Variants in ARHGEF7 observed in about 807,000 individuals in gnomAD.
The protein encoded by ARHGEF7 is Rho guanine nucleotide exchange factor 7.
A neutral mutation model predicts 109.8 loss-of-function variants in ARHGEF7; 33 were observed. That is an observed-to-expected ratio of 0.30 (90% confidence interval 0.23 to 0.40). The LOEUF (loss-of-function observed/expected upper bound fraction) is 0.40. Among genes scored for constraint, ARHGEF7 ranks in the 10% least tolerant of loss-of-function variants. The probability of loss-of-function intolerance (pLI) is 1.00; values close to 1 mark genes in which losing one functional copy is unlikely to be tolerated. For synonymous variants in ARHGEF7, 458 were observed against 424.6 expected, an observed-to-expected ratio of 1.08 and a Z score of -0.97; for missense variants, 938 against 1,098.5, an observed-to-expected ratio of 0.85 and a Z score of 2.07.
intron 19 of ARHGEF7, chr13:111,294,067 C>A: frequency 1.0e-6 from 1 of 985,304 alleles, no homozygotes; most frequent in Non-Finnish European, 1.2e-6. Context: ...ATTTTCATAC[C>A]AATTAGTAAA....
At chr13:111,226,714 T>A (rs2085259958) in intron 5 of ARHGEF7, among the ~76,000 whole-genome samples, 1 of 152,222 alleles carries the variant, frequency 6.6e-6, no homozygotes, top group South Asian at 2.1e-4. Context: ...TAACACAGCA[T>A]CCATACTGCA....
In ARHGEF7 at chr13:111,255,417, C is replaced by T. The variant is rs1354594204; in HGVS notation, c.950+11123C>T. ...TCATGTTGCTTGCCCATGTCTGTCCCAGTGTCCTCATCTATAAAGCAGGGG... is the reference window on the plus strand; with the variant it reads ...TCATGTTGCTTGCCCATGTCTGTCCTAGTGTCCTCATCTATAAAGCAGGGG... On this transcript the variant is annotated intron_variant, in intron 8 of 21. Transcript: ENST00000646102. This position sits in a 1 kb window ranked among gnomAD's most constrained non-coding sequence, Gnocchi z 4.1. Among the ~76,000 whole-genome samples the T allele has an allele frequency of 6.6e-6, 1 of 152,180 alleles. No homozygotes were observed. Among genetic ancestry groups the T allele is most frequent in the Non-Finnish European group, 1.5e-5 (1 of 68,022 alleles).
At chr13:111,204,912 G>C (rs1185100606) in intron 2 of ARHGEF7, among the ~76,000 whole-genome samples, 1 of 152,230 alleles carries the variant, frequency 6.6e-6, no homozygotes, top group Non-Finnish European at 1.5e-5. Flanking sequence ...TCTGTAGCAC[G>C]CCTTGCCTGG....
intron 8 of ARHGEF7, among the ~76,000 whole-genome samples, chr13:111,254,600 G>C (rs562815797): frequency 4.3e-4 from 64 of 149,734 alleles, no homozygotes; most frequent in African/African-American, 1.4e-3. Flanking sequence ...AAGAGGATTC[G>C]GGCTAAGGCG....
In ARHGEF7 at chr13:111,277,572, CT is replaced by C; in HGVS notation, c.1420-8del. On this transcript the variant is annotated splice_polypyrimidine_tract_variant and intron_variant, in intron 12 of 21. Transcript: ENST00000646102. ...GTTTTTTAAGAAATGTTTTGGATTTCTTTTTTTGTATTAGGAAAAGAATGAA... is the reference window on the plus strand; with the variant it reads ...GTTTTTTAAGAAATGTTTTGGATTTCTTTTTTGTATTAGGAAAAGAATGAA... 7 of 1,535,326 alleles carry C rather than the reference CT, an allele frequency of 4.6e-6. No homozygotes were observed. Among genetic ancestry groups the C allele is most frequent in the South Asian group, 1.1e-5 (1 of 87,910 alleles).
intron 2 of ARHGEF7, among the ~76,000 whole-genome samples, chr13:111,156,503 A>G (rs1034524979): frequency 6.6e-6 from 1 of 152,252 alleles, no homozygotes; most frequent in African/African-American, 2.4e-5. Flanking sequence ...AAAACAGCAC[A>G]TGAAAAACCT....
In ARHGEF7 at chr13:111,243,866, T is replaced by C; in HGVS notation, c.760-6T>C. On this transcript the variant is annotated splice_polypyrimidine_tract_variant and splice_region_variant and intron_variant, in intron 6 of 21. Coordinates refer to ENST00000646102, the MANE Select transcript of ARHGEF7 (RefSeq NM_001354046.2). ...TCAAATAACACTTATTCATCATTTA[T>C]TATAGGTGCTACAGAATATTTTAGA... 1 of 1,559,302 alleles carries C rather than the reference T, an allele frequency of 6.4e-7. No individual in the cohort carries two copies. The highest frequency in any genetic ancestry group is 8.8e-7 in the Non-Finnish European group (1 of 1,135,588).
At chr13:111,263,454 A>T (rs2091310081) in intron 8 of ARHGEF7, among the ~76,000 whole-genome samples, 1 of 152,210 alleles carries the variant, frequency 6.6e-6, no homozygotes, top group Admixed American at 6.5e-5. Context: ...GTTTATCCAG[A>T]TTTCCTTTTC....
At chr13:111,164,475 A>G (rs1247580202) in intron 2 of ARHGEF7, among the ~76,000 whole-genome samples, 2 of 152,216 alleles carry the variant, frequency 1.3e-5, no homozygotes, top group Non-Finnish European at 2.9e-5. Flanking sequence ...GTGTGCGACT[A>G]GTGTTGCCAC....
At chr13:111,293,916 G>GT (rs2093362949) in intron 19 of ARHGEF7, 1 of 985,312 alleles carries the variant, frequency 1.0e-6, no homozygotes. Context: ...GCTCCTGGCA[G>GT]TAGCACGTTG....
At chr13:111,296,971 G>A (rs1467276625) in intron 19 of ARHGEF7, among the ~76,000 whole-genome samples, 3 of 152,204 alleles carry the variant, frequency 2.0e-5, no homozygotes, top group East Asian at 1.9e-4. Context: ...TAAATAAAGC[G>A]AGAGAACATT....
chr13:111,291,850 A>G (rs1312360880), intron 18 of ARHGEF7, among the ~76,000 whole-genome samples: 1 of 152,224 alleles, frequency 6.6e-6, no homozygotes, highest in Non-Finnish European at 1.5e-5. Flanking sequence ...CTTTTTTTAA[A>G]AAAGCAGTTT....
chr13:111,301,982 C>T (rs978922838), intron 21 of ARHGEF7, among the ~76,000 whole-genome samples: 1 of 152,144 alleles, frequency 6.6e-6, no homozygotes, highest in African/African-American at 2.4e-5. Context: ...AATTGGTTGT[C>T]TCTAAAGTGA....
rs1400492877 is a variant in ARHGEF7 at position 111,305,004 on chromosome 13, T to C, written c.*1891T>C. ...AACTCTTGTCTGATCTCTCCGCCCC[T>C]CTGCCGGGAGGCGACATTAACTGTC... On this transcript the variant is annotated 3_prime_UTR_variant, in exon 22 of 22. Coordinates refer to ENST00000646102, the MANE Select transcript of ARHGEF7 (RefSeq NM_001354046.2). 2 of 152,256 alleles carry C rather than the reference T, an allele frequency of 1.3e-5. No individual in the cohort carries two copies. The highest frequency in any genetic ancestry group is 2.9e-5 in the Non-Finnish European group (2 of 68,052). The allele number at this position is 152,256 out of a possible 1,614,324, so 9.4% of individuals were successfully genotyped here. A position where few individuals can be genotyped will look rare whatever the true frequency, so the allele number is the denominator to read the frequency against.
intron 19 of ARHGEF7, among the ~76,000 whole-genome samples, chr13:111,297,926 CTT>C (rs1339881900): frequency 6.6e-6 from 1 of 152,262 alleles, no homozygotes; most frequent in Non-Finnish European, 1.5e-5. Flanking sequence ...AGTTACATAA[CTT>C]TTTCCAGTGT....
At chr13:111,135,728 A>T (rs1346509694) in intron 1 of ARHGEF7, among the ~76,000 whole-genome samples, 1 of 152,232 alleles carries the variant, frequency 6.6e-6, no homozygotes, top group Admixed American at 6.5e-5. Flanking sequence ...ATATACAATC[A>T]TGTCATCTGC....
At chr13:111,299,801 C>T (rs1245510125) in intron 19 of ARHGEF7, among the ~76,000 whole-genome samples, 5 of 152,172 alleles carry the variant, frequency 3.3e-5, no homozygotes, top group Non-Finnish European at 5.9e-5. Context: ...AGCGGAAGCA[C>T]TGTAGTTTCC....
intron 5 of ARHGEF7, among the ~76,000 whole-genome samples, chr13:111,221,466 CATCTA>C (rs1243403106): frequency 2.3e-5 from 1 of 43,866 alleles, no homozygotes; most frequent in Non-Finnish European, 4.2e-5. Flanking sequence ...GATATATAGA[CATCTA>C]TATATATAGA....
intron 2 of ARHGEF7, among the ~76,000 whole-genome samples, chr13:111,181,153 G>A (rs1312548338): frequency 1.3e-5 from 2 of 152,174 alleles, no homozygotes; most frequent in African/African-American, 4.8e-5. Flanking sequence ...TGGATTCTGT[G>A]TGTATTGGTT....
Sources: allele counts gnomAD v4.1 joint callset (sites outside exome capture counted in the v4.1 genomes callset), GRCh38; gene constraint gnomAD v4.1.1; non-coding constraint Gnocchi (gnomAD v3.1); transcripts MANE v1.5; gene names NCBI Gene and HGNC (gene_info 2026-07-23, HGNC 2026-07-21).